ANAPC4: variants seen among roughly 807,000 people sequenced by gnomAD.
The protein encoded by ANAPC4 is anaphase-promoting complex subunit 4.
A neutral mutation model predicts 119.8 loss-of-function variants in ANAPC4; 63 were observed. That is an observed-to-expected ratio of 0.53 (90% CI 0.43 to 0.65). ANAPC4 has a LOEUF of 0.65. Ranked by LOEUF, ANAPC4 falls within the 30% of genes least tolerant of loss-of-function variation. The probability of loss-of-function intolerance (pLI) is 0.00; values close to 1 mark genes in which losing one functional copy is unlikely to be tolerated. For missense variants in ANAPC4, 716 were observed against 945.1 expected (o/e 0.76, Z 3.18); for synonymous variants, 283 against 318.6 (o/e 0.89, Z 1.19).
rs1454851263 is a variant in ANAPC4, at chr4:25,377,628, C to A, written c.129+72C>A. 12 of 1,518,880 alleles carry A rather than the reference C, an allele frequency of 7.9e-6. No homozygotes were observed. In the East Asian group the frequency reaches 2.6e-4, roughly 33 times the overall value. The allele number at this position is 1,518,880 out of a possible 1,614,324, so 94.1% of individuals were successfully genotyped here. On this transcript the variant is annotated intron_variant, in intron 2 of 28. Coordinates refer to ENST00000315368, the MANE Select transcript of ANAPC4 (RefSeq NM_013367.3). ...GGGCCCAAGAACACCGAGCCCGAGC[C>A]TGTTCATTCGGGCCACAGGCGGCCG...
intron 16 of ANAPC4, among the ~76,000 whole-genome samples, chr4:25,401,839 CA>C (rs894587905): frequency 6.6e-6 from 1 of 151,672 alleles, no homozygotes; most frequent in Non-Finnish European, 1.5e-5. Flanking sequence ...GCTCAGAAGA[CA>C]AAAAAAACAC....
intron 14 of ANAPC4, chr4:25,395,502 T>A (rs1314965244): frequency 6.6e-6 from 1 of 152,550 alleles, no homozygotes; most frequent in Non-Finnish European, 1.5e-5. Flanking sequence ...GAGGCTGGAG[T>A]GCAGTGATGT....
intron 18 of ANAPC4, 98 bp from the exon 19 acceptor site, chr4:25,406,731 T>C: frequency 1.1e-6 from 1 of 894,976 alleles, no homozygotes; most frequent in Non-Finnish European, 1.7e-6. Flanking sequence ...TGGCTTTTAG[T>C]AGATAGTAAA....
Position 25,405,152 on chromosome 4 carries a change from C to T in ANAPC4, c.1271-421C>T, listed in dbSNP as rs141389831. Among the ~76,000 whole-genome samples, 61 of 151,034 alleles carry T rather than the reference C, an allele frequency of 4.0e-4. No individual in the cohort carries two copies. The highest frequency in any genetic ancestry group is 1.1e-3 in the African/African-American group (44 of 41,086). On this transcript the variant is annotated intron_variant, in intron 17 of 28. Coordinates refer to ENST00000315368, the MANE Select transcript of ANAPC4 (RefSeq NM_013367.3). The surrounding 1 kb of genome is among the most constrained non-coding windows in gnomAD (Gnocchi z 4.6). ...GAAAAGTACATAAATATACTGTAAGCGCGTAGCAGAAAAGACCAAGGGAAA... is the reference window on the plus strand; with the variant it reads ...GAAAAGTACATAAATATACTGTAAGTGCGTAGCAGAAAAGACCAAGGGAAA...
intron 21 of ANAPC4, 120 bp downstream of exon 21, chr4:25,409,911 TTA>T (rs1723470345): frequency 3.1e-6 from 2 of 640,058 alleles, no homozygotes; most frequent in Non-Finnish European, 5.5e-6. Context: ...TTTATTAGAC[TTA>T]TATTTATTTG....
rs973214830 is a variant in ANAPC4, at chr4:25,418,199, A to C, written c.2244A>C (p.Ile748=). 6.8e-6 allele frequency: 11 copies of C among 1,614,002 alleles called. No homozygotes were observed. Among genetic ancestry groups the C allele is most frequent in the Non-Finnish European group, 9.3e-6 (11 of 1,179,980 alleles). Residue 748 remains isoleucine (I), a synonymous_variant, in exon 29 of 29, where the codon ATA becomes ATC. Transcript: ENST00000315368. ...LRHVRVFEMD[I]DDEWELDESS... ...ATGTGAGAGTATTTGAAATGGACAT[A>C]GATGATGAATGGGAGCTCGATGAGT...
chr4:25,406,517 AAAG>A (rs1179151258), intron 18 of ANAPC4, among the ~76,000 whole-genome samples: 1 of 152,188 alleles, frequency 6.6e-6, no homozygotes, highest in Non-Finnish European at 1.5e-5. Context: ...TCTCATTTCC[AAAG>A]GAGGGACCTC....
At chr4:25,390,368 A>AGATAAAATAATTGT (rs1722279229) in intron 8 of ANAPC4, 148 bp downstream of exon 8, 1 of 541,952 alleles carries the variant, frequency 1.8e-6, no homozygotes, top group South Asian at 3.0e-5. Flanking sequence ...TTCCTTACTA[A>AGATAAAATAATTGT]GATAAAATAA....
chr4:25,398,005 A>G (rs1458965607), intron 16 of ANAPC4, among the ~76,000 whole-genome samples: 1 of 152,008 alleles, frequency 6.6e-6, no homozygotes, highest in Non-Finnish European at 1.5e-5. Context: ...GGCTCAAGTG[A>G]TCCTCTTGCC....
intron 19 of ANAPC4, 85 bp downstream of exon 19, chr4:25,406,970 C>CTA: frequency 8.8e-7 from 1 of 1,137,314 alleles, no homozygotes; most frequent in Non-Finnish European, 1.3e-6. Context: ...AAATTTAACC[C>CTA]AATTTAATTG....
intron 20 of ANAPC4, 88 bp from the exon 21 acceptor site, chr4:25,409,605 AAACTT>A: frequency 1.1e-6 from 1 of 912,254 alleles, no homozygotes; most frequent in Non-Finnish European, 1.7e-6. Flanking sequence ...TTGATTTACT[AAACTT>A]AACTTTTTTT....
chr4:25,404,312 A>G (rs1723138157), intron 17 of ANAPC4, among the ~76,000 whole-genome samples: 1 of 152,228 alleles, frequency 6.6e-6, no homozygotes, highest in African/African-American at 2.4e-5. Flanking sequence ...GGCCTGTTTA[A>G]GATCCATGTT....
intron 3 of ANAPC4, among the ~76,000 whole-genome samples, chr4:25,381,718 G>C (rs1353372187): frequency 2.0e-5 from 3 of 152,154 alleles, no homozygotes; most frequent in Non-Finnish European, 4.4e-5. Flanking sequence ...GGGAGGCTGA[G>C]GTAGGTGAAT....
At chr4:25,383,758 CTT>C (rs1353590821) in intron 4 of ANAPC4, among the ~76,000 whole-genome samples, 1 of 152,148 alleles carries the variant, frequency 6.6e-6, no homozygotes, top group Non-Finnish European at 1.5e-5. Context: ...AAGCATGTAA[CTT>C]AATTAAAATA....
chr4:25,386,655 C>T (rs1252444805), intron 4 of ANAPC4, among the ~76,000 whole-genome samples: 2 of 152,090 alleles, frequency 1.3e-5, no homozygotes, highest in Non-Finnish European at 2.9e-5. Context: ...CAAAATGTGA[C>T]ACAGAAGTAC....
chr4:25,416,638 G>T (rs1723893114), intron 27 of ANAPC4, 40 bp downstream of exon 27: 2 of 1,413,066 alleles, frequency 1.4e-6, no homozygotes, highest in Non-Finnish European at 1.9e-6. Flanking sequence ...ACAGTTAAAT[G>T]TTTTTTTAAT....
In ANAPC4 at chr4:25,392,436, C is replaced by T. The variant is rs753232192; in HGVS notation, c.789+15C>T. 4.4e-6 allele frequency: 7 copies of T among 1,582,872 alleles called. No homozygotes were observed. The South Asian group carries it at 7.8e-5, about 18-fold the overall frequency. ...CTCTGTTACAGGTATTTATTTAGAG[C>T]TTGTTTTATGTGAATATTTATTATC... On this transcript the variant is annotated intron_variant, in intron 10 of 28. Coordinates refer to ENST00000315368, the MANE Select transcript of ANAPC4 (RefSeq NM_013367.3).
At position 25,392,381 on chromosome 4, in the gene ANAPC4, G is replaced by C. The variant is rs371711389; in HGVS notation, c.749G>C (p.Arg250Pro). 1 of 1,613,204 alleles carries C rather than the reference G, an allele frequency of 6.2e-7. No homozygotes were observed. Among genetic ancestry groups the C allele is most frequent in the Non-Finnish European group, 8.5e-7 (1 of 1,179,256 alleles). Residue 250 changes from arginine to proline, a missense_variant, in exon 10 of 29, where the codon CGG becomes CCG. By Grantham distance (103) the Arg-to-Pro change is moderately radical (BLOSUM62 -2). Around this residue, in one of 3 missense-constraint regions of ANAPC4, gnomAD observed 202 missense variants for 293.5 expected, o/e 0.69. Transcript: ENST00000315368. ...LLYSFLPEVT[R>P]MARKFTHISA... ...TACTCTTTCTTACCTGAAGTAACTC[G>C]GATGGCCAGAAAGTTTACTCATATT...
chr4:25,415,582 G>C, intron 26 of ANAPC4, 42 bp downstream of exon 26: 1 of 1,528,064 alleles, frequency 6.5e-7, no homozygotes, highest in African/African-American at 1.4e-5. Context: ...AGATACATGT[G>C]ATATGTGTAT....
Sources: allele counts gnomAD v4.1 joint callset (sites outside exome capture counted in the v4.1 genomes callset), GRCh38; gene constraint gnomAD v4.1.1; regional missense constraint gnomAD v4.1.1; non-coding constraint Gnocchi (gnomAD v3.1); transcripts MANE v1.5; gene names NCBI Gene and HGNC (gene_info 2026-07-23, HGNC 2026-07-21).